ZNF606: variants seen among roughly 807,000 people sequenced by gnomAD.
The protein encoded by ZNF606 is zinc finger protein 328.
A neutral mutation model predicts 74.9 loss-of-function variants in ZNF606; 37 were observed. That is an observed-to-expected ratio of 0.49 (90% CI 0.38 to 0.65). ZNF606 has a LOEUF of 0.65. ZNF606 is among the 30% of genes least tolerant of loss of function. The probability of loss-of-function intolerance (pLI) is 0.00; values close to 1 mark genes in which losing one functional copy is unlikely to be tolerated. For synonymous variants in ZNF606, 328 were observed against 312.4 expected, an observed-to-expected ratio of 1.05 and a Z score of -0.53; for missense variants, 852 against 952.9, an observed-to-expected ratio of 0.89 and a Z score of 1.39.
intron 6 of ZNF606, among the ~76,000 whole-genome samples, chr19:57,982,675 T>G (rs1347022537): frequency 6.6e-6 from 1 of 152,144 alleles, no homozygotes; most frequent in Non-Finnish European, 1.5e-5. Context: ...AGGGTCTCAC[T>G]CAGGCAGGAG....
At chr19:58,001,003 G>A (rs1399060940) in intron 2 of ZNF606, among the ~76,000 whole-genome samples, 5 of 152,106 alleles carry the variant, frequency 3.3e-5, no homozygotes, top group African/African-American at 1.2e-4. Flanking sequence ...GAGCAGTAGA[G>A]ACAATATTTT....
chr19:57,983,659 C>T (rs2073123336), intron 6 of ZNF606, among the ~76,000 whole-genome samples: 2 of 151,570 alleles, frequency 1.3e-5, no homozygotes, highest in African/African-American at 4.8e-5. Flanking sequence ...GGTGGGAGAT[C>T]AAAAAAGGAC....
intron 4 of ZNF606, among the ~76,000 whole-genome samples, chr19:57,989,449 T>G (rs957866149): frequency 6.6e-6 from 1 of 151,828 alleles, no homozygotes; most frequent in East Asian, 1.9e-4. Flanking sequence ...TATTATTATT[T>G]TTTAATTATT....
At position 57,992,509 on chromosome 19, in the gene ZNF606, T is replaced by C. The variant is rs148878160; in HGVS notation, c.178-3788A>G. The stretch of plus-strand genomic sequence containing the variant: ...CAAACCAACAAGACCAGTGACCTAG[T>C]TTCTTCAGCATATGAAGCATGTGCA... On this transcript the variant is annotated intron_variant, in intron 4 of 6. Coordinates refer to ENST00000551380, the MANE Select transcript of ZNF606 (RefSeq NM_001348022.3). 2.6e-3 allele frequency among the ~76,000 whole-genome samples: 403 copies of C among 152,288 alleles called. 1 individual carries two copies. Among genetic ancestry groups the C allele is most frequent in the Middle Eastern group, 6.8e-3 (2 of 294 alleles).
In ZNF606 at chr19:58,000,623, G is replaced by C. The variant is rs748483998; in HGVS notation, c.88+60C>G. 57 of 1,561,004 alleles carry C rather than the reference G, an allele frequency of 3.7e-5. No homozygotes were observed. In the Middle Eastern group the frequency reaches 5.0e-4, roughly 14 times the overall value. On this transcript the variant is annotated intron_variant, in intron 3 of 6. Coordinates refer to ENST00000551380, the MANE Select transcript of ZNF606 (RefSeq NM_001348022.3). ...CCCATTCTATTCCCCAGCTGTGGCAGAGCACTACAGCCAGAGGCCACAATA... is the reference window on the plus strand; with the variant it reads ...CCCATTCTATTCCCCAGCTGTGGCACAGCACTACAGCCAGAGGCCACAATA...
chr19:57,981,332 C>G (rs1407249430), intron 6 of ZNF606, among the ~76,000 whole-genome samples: 1 of 152,094 alleles, frequency 6.6e-6, no homozygotes, highest in East Asian at 1.9e-4. Context: ...CTGTAATACA[C>G]CATAATCCTG....
At chr19:57,988,789 A>G (rs1015038828) in intron 4 of ZNF606, 68 bp from the exon 5 acceptor site, 32 of 1,607,520 alleles carry the variant, frequency 2.0e-5, no homozygotes, top group Non-Finnish European at 2.7e-5. Context: ...GGATGGAGTG[A>G]GGCTGACAGC....
chr19:57,996,295 A>G (rs945965087), intron 4 of ZNF606, among the ~76,000 whole-genome samples: 2 of 152,194 alleles, frequency 1.3e-5, no homozygotes, highest in Non-Finnish European at 2.9e-5. Flanking sequence ...TGAGGTCAGA[A>G]GTTTGAGGCC....
In ZNF606 at chr19:57,978,935, T is replaced by C. The variant is rs2073032205; in HGVS notation, c.1745A>G (p.His582Arg). ...GTGAGTTCTCTGATGGGCAATAAGATGGGAGCTCCAGCTGAAGGATTTTCC... is the reference window on the plus strand; with the variant it reads ...GTGAGTTCTCTGATGGGCAATAAGACGGGAGCTCCAGCTGAAGGATTTTCC... ...ECGKSFSWSS[H>R]LIAHQRTHTG... The change falls in exon 7 of 7, where the codon CAT (histidine) becomes CGT (arginine). Residue 582 changes from histidine to arginine, a missense_variant. His to Arg is a conservative substitution (Grantham distance 29). Transcript: ENST00000551380. This position sits in a 1 kb window ranked among gnomAD's most constrained non-coding sequence, Gnocchi z 4.4. The C allele has an allele frequency of 6.2e-7, 1 of 1,614,048 alleles. No homozygotes were observed. The highest frequency in any genetic ancestry group is 1.3e-5 in the African/African-American group (1 of 74,920).
chr19:57,984,049 G>A (rs1330672204), intron 6 of ZNF606, among the ~76,000 whole-genome samples: 3 of 152,172 alleles, frequency 2.0e-5, no homozygotes, highest in Non-Finnish European at 4.4e-5. Flanking sequence ...GGAATTTTAC[G>A]AGAAAGGGGC....
Position 57,998,521 on chromosome 19 carries a change from T to G in ZNF606, c.177+1287A>C, listed in dbSNP as rs1057490307. On this transcript the variant is annotated intron_variant, in intron 4 of 6. Transcript: ENST00000551380. ...GAAATGTCCAGACTAGGCAAATTCATAGAGACAGAAAGTACACTAGTGGTT... is the reference window on the plus strand; with the variant it reads ...GAAATGTCCAGACTAGGCAAATTCAGAGAGACAGAAAGTACACTAGTGGTT... The G allele has an allele frequency of 2.6e-5, 4 of 152,274 alleles. No homozygotes were observed. The South Asian group carries it at 8.3e-4, about 32-fold the overall frequency. 9.4% of individuals were successfully genotyped at this position (152,274 alleles called of 1,614,324 possible).
chr19:58,000,019 C>T, intron 3 of ZNF606, 123 bp from the exon 4 acceptor site: 1 of 769,358 alleles, frequency 1.3e-6, no homozygotes. Context: ...CCCACTTCCT[C>T]ATTCTATAGA....
chr19:57,988,459 C>T, intron 5 of ZNF606, 136 bp downstream of exon 5: 1 of 1,435,076 alleles, frequency 7.0e-7, no homozygotes, highest in Non-Finnish European at 9.5e-7. Context: ...AGTTTCATCC[C>T]TGAACCTCAG....
intron 4 of ZNF606, among the ~76,000 whole-genome samples, chr19:57,989,998 G>A (rs527823118): frequency 7.5e-6 from 1 of 133,010 alleles, no homozygotes; most frequent in Non-Finnish European, 1.6e-5. Context: ...CTTGCAGTGA[G>A]CCGAGATCGT....
chr19:57,999,581 G>A (rs967940212), intron 4 of ZNF606: 4 of 528,584 alleles, frequency 7.6e-6, no homozygotes, highest in African/African-American at 3.8e-5. Flanking sequence ...CCCACAACAA[G>A]CCAGGGAGAG....
At chr19:58,002,010 T>C (rs922661193) in intron 1 of ZNF606, 10 of 369,284 alleles carry the variant, frequency 2.7e-5, no homozygotes, top group Non-Finnish European at 5.4e-6. Context: ...CAGATCTTTG[T>C]ACAAGTCAGC....
At chr19:58,001,900 C>CA (rs1568586801) in intron 1 of ZNF606, among the ~76,000 whole-genome samples, 2 of 152,088 alleles carry the variant, frequency 1.3e-5, no homozygotes, top group Admixed American at 6.5e-5. Context: ...ATCCCACCTC[C>CA]AAAAAAAATT....
intron 3 of ZNF606, chr19:58,000,389 T>C: frequency 1.8e-6 from 1 of 547,476 alleles, no homozygotes; most frequent in Non-Finnish European, 3.2e-6. Flanking sequence ...GCCCAGCTAA[T>C]TTTTTGTATT....
intron 6 of ZNF606, among the ~76,000 whole-genome samples, chr19:57,983,298 G>A (rs1335635242): frequency 6.6e-6 from 1 of 152,082 alleles, no homozygotes; most frequent in Non-Finnish European, 1.5e-5. Flanking sequence ...TCTGAGGTCG[G>A]GCATGGTAGC....
Sources: allele counts gnomAD v4.1 joint callset (sites outside exome capture counted in the v4.1 genomes callset), GRCh38; gene constraint gnomAD v4.1.1; non-coding constraint Gnocchi (gnomAD v3.1); transcripts MANE v1.5; gene names NCBI Gene and HGNC (gene_info 2026-07-23, HGNC 2026-07-21).